Variants in ABI2 observed in about 807,000 individuals in gnomAD.
ABI2 encodes the protein abelson interactor 2.
Under a neutral mutation model 59.2 loss-of-function variants are expected in ABI2, and 25 were observed. The ratio of observed to expected loss-of-function variants is 0.42; its 90% CI spans 0.31 to 0.59. The LOEUF (loss-of-function observed/expected upper bound fraction) is 0.59, where lower values mean the gene tolerates loss of function less well. ABI2 is among the 20% of genes least tolerant of loss of function. The pLI is 0.14. For synonymous variants in ABI2, 213 were observed against 235.5 expected (o/e 0.90, Z 0.87); for missense variants, 545 against 681.8 (o/e 0.80, Z 2.23).
intron 1 of ABI2, among the ~76,000 whole-genome samples, chr2:203,336,188 TCATC>T (rs533757863): frequency 3.2e-4 from 49 of 152,368 alleles, no homozygotes; most frequent in Middle Eastern, 3.4e-3. Flanking sequence ...CATAATTTGT[TCATC>T]CATTCACCAA....
intron 2 of ABI2, among the ~76,000 whole-genome samples, chr2:203,373,808 C>G (rs1245589381): frequency 6.6e-6 from 1 of 152,098 alleles, no homozygotes; most frequent in Admixed American, 6.5e-5. Flanking sequence ...TTCTCAAGAG[C>G]TAGGTATTGA....
chr2:203,417,944 C>T (rs767981272), intron 11 of ABI2, among the ~76,000 whole-genome samples: 27 of 151,808 alleles, frequency 1.8e-4, no homozygotes, highest in African/African-American at 6.5e-4. Context: ...ATGAGAGAGA[C>T]GTGGAATATA....
intron 1 of ABI2, among the ~76,000 whole-genome samples, chr2:203,345,083 T>G (rs1005407481): frequency 1.3e-5 from 2 of 152,192 alleles, no homozygotes; most frequent in Non-Finnish European, 2.9e-5. Flanking sequence ...CTGTGGAAGC[T>G]TTCTTCTTAG....
intron 1 of ABI2, among the ~76,000 whole-genome samples, chr2:203,345,406 G>A (rs2082731693): frequency 6.6e-6 from 1 of 152,118 alleles, no homozygotes; most frequent in Non-Finnish European, 1.5e-5. Flanking sequence ...TTCACGGCGA[G>A]GGTCCACGGG....
intron 1 of ABI2, among the ~76,000 whole-genome samples, chr2:203,331,408 A>G (rs559023091): frequency 6.2e-5 from 8 of 128,848 alleles, no homozygotes; most frequent in Admixed American, 2.0e-4. Flanking sequence ...GCTAGAGTGT[A>G]GTGGCGCGAT....
intron 1 of ABI2, among the ~76,000 whole-genome samples, chr2:203,346,984 GT>G (rs892493334): frequency 6.6e-6 from 1 of 152,058 alleles, no homozygotes; most frequent in Non-Finnish European, 1.5e-5. Context: ...ACTTGAATTT[GT>G]TTTAATTTTG....
intron 4 of ABI2, among the ~76,000 whole-genome samples, chr2:203,384,306 T>TGTTTG (rs2096347256): frequency 2.9e-5 from 4 of 138,374 alleles, no homozygotes; most frequent in African/African-American, 6.2e-5. Flanking sequence ...TTTTTTTTTT[T>TGTTTG]TTTTTTTTTT....
rs1157335644 is a variant in ABI2, at chr2:203,430,552, A to G, written c.*3200A>G. The G allele has an allele frequency of 6.6e-6, 1 of 152,242 alleles. No individual in the cohort carries two copies. The highest frequency in any genetic ancestry group is 1.5e-5 in the Non-Finnish European group (1 of 68,034). 9.4% of individuals were successfully genotyped at this position (152,242 alleles called of 1,614,324 possible). On this transcript the variant is annotated 3_prime_UTR_variant, in exon 12 of 12. Transcript: ENST00000261018. ...AAATAGTGCCAATGTGTCAAAATCG[A>G]CATCTGAGAGATTCAGCCTCCCATT... is the stretch of plus-strand genomic sequence containing the variant.
At chr2:203,349,541 A>C (rs1025344100) in intron 1 of ABI2, among the ~76,000 whole-genome samples, 1 of 152,090 alleles carries the variant, frequency 6.6e-6, no homozygotes, top group African/African-American at 2.4e-5. Context: ...AGTAGCTGGA[A>C]TTACAGGCAC....
At chr2:203,374,364 G>T (rs1016287668) in intron 2 of ABI2, among the ~76,000 whole-genome samples, 3 of 151,938 alleles carry the variant, frequency 2.0e-5, no homozygotes, top group African/African-American at 7.3e-5. Context: ...GCTGGGTGTG[G>T]TAGTGGGCAC....
Position 203,425,874 on chromosome 2 carries a change from T to G in ABI2, c.1454-1303T>G, listed in dbSNP as rs1033384852. ...CCGTCTCTACTAAAAATACAAAAAT[T>G]AGCTGTGCGTGGTGGTGGGCGCCTG... On this transcript the variant is annotated intron_variant, in intron 11 of 11. Transcript: ENST00000261018. 2.0e-5 allele frequency among the ~76,000 whole-genome samples: 3 copies of G among 151,646 alleles called. No homozygotes were observed. In the South Asian group the frequency reaches 6.3e-4, roughly 32 times the overall value.
At chr2:203,387,664 A>G (rs2096583311) in intron 4 of ABI2, among the ~76,000 whole-genome samples, 1 of 152,234 alleles carries the variant, frequency 6.6e-6, no homozygotes, top group African/African-American at 2.4e-5. Context: ...ATACATAACA[A>G]AATTATGATT....
Position 203,402,561 on chromosome 2 carries a change from C to G in ABI2, c.1034-15C>G. ...TTTCTTTTAATGACATATGTATGTT[C>G]TATCTCTTTTTCAGGTCATCCTGTA... On this transcript the variant is annotated splice_polypyrimidine_tract_variant and intron_variant, in intron 8 of 11. Transcript: ENST00000261018. 6.9e-7 allele frequency: 1 copy of G among 1,453,790 alleles called. No homozygotes were observed. The highest frequency in any genetic ancestry group is 2.6e-5 in the East Asian group (1 of 39,210). The allele number at this position is 1,453,790 out of a possible 1,614,324, so 90.1% of individuals were successfully genotyped here. A position where few individuals can be genotyped will look rare whatever the true frequency, so the allele number is the denominator to read the frequency against.
chr2:203,372,225 C>G, intron 2 of ABI2, among the ~76,000 whole-genome samples: 1 of 152,164 alleles, frequency 6.6e-6, no homozygotes, highest in East Asian at 1.9e-4. Flanking sequence ...GCACATGTTT[C>G]AGAGAGCACA....
At chr2:203,375,122 C>T (rs1473011107) in intron 2 of ABI2, among the ~76,000 whole-genome samples, 1 of 152,104 alleles carries the variant, frequency 6.6e-6, no homozygotes, top group Non-Finnish European at 1.5e-5. Flanking sequence ...TGGGGAAAGC[C>T]TGCAGCATGC....
intron 1 of ABI2, among the ~76,000 whole-genome samples, chr2:203,352,597 G>A (rs2089511276): frequency 1.3e-5 from 2 of 151,792 alleles, no homozygotes; most frequent in Non-Finnish European, 2.9e-5. Flanking sequence ...AAGAGAAAAT[G>A]ATATAAAGAA....
intron 11 of ABI2, among the ~76,000 whole-genome samples, chr2:203,423,428 G>A (rs547327840): frequency 2.6e-5 from 4 of 152,230 alleles, no homozygotes; most frequent in Non-Finnish European, 1.5e-5. Context: ...AAAATCATCT[G>A]GGTCCTTTTT....
intron 1 of ABI2, among the ~76,000 whole-genome samples, chr2:203,365,778 C>T (rs920840424): frequency 2.0e-5 from 3 of 151,580 alleles, no homozygotes; most frequent in African/African-American, 4.8e-5. Flanking sequence ...TACAGGCGCC[C>T]GCCACCATGC....
intron 1 of ABI2, among the ~76,000 whole-genome samples, chr2:203,332,229 T>C (rs1417817577): frequency 6.6e-6 from 1 of 152,228 alleles, no homozygotes; most frequent in Non-Finnish European, 1.5e-5. Flanking sequence ...TTTGCTGATA[T>C]TTATCAGATC....
Sources: gnomAD v4.1 joint callset for allele counts (sites outside exome capture counted in the v4.1 genomes callset) on GRCh38, gnomAD v4.1.1 for gene constraint, MANE v1.5 for transcripts, NCBI Gene and HGNC (gene_info 2026-07-23, HGNC 2026-07-21) for gene names.